Variants in LRRIQ1 observed in about 807,000 individuals in gnomAD.
The protein encoded by LRRIQ1 is leucine rich repeats and IQ motif containing 1, also known as leucine-rich repeat- and IQ domain-containing protein 1.
LRRIQ1 carries 210 observed loss-of-function variants against 211.9 expected under a neutral mutation model. The ratio of observed to expected loss-of-function variants is 0.99; its 90% CI spans 0.89 to 1.11. LRRIQ1 has a LOEUF of 1.11. Among genes scored for constraint, LRRIQ1 ranks in the 50% most tolerant of loss-of-function variants. LRRIQ1 has a pLI of 0.00. For synonymous variants in LRRIQ1, 699 were observed against 650.1 expected (o/e 1.08, Z -1.14); for missense variants, 2,136 against 1,939.5 (o/e 1.10, Z -1.90).
downstream of LRRIQ1, chr12:85,245,138 G>T (rs1406447967): frequency 3.4e-6 from 3 of 886,806 alleles, no homozygotes; most frequent in African/African-American, 3.5e-5. Context: ...TGTATTTGGG[G>T]CTTCAATATC....
intron 11 of LRRIQ1, among the ~76,000 whole-genome samples, chr12:85,098,059 G>A (rs1309536777): frequency 6.6e-6 from 1 of 152,020 alleles, no homozygotes; most frequent in African/African-American, 2.4e-5. Flanking sequence ...TCTCTCCCTT[G>A]TTTTGTTCTT....
chr12:85,227,455 G>A (rs1894719256), intron 24 of LRRIQ1, among the ~76,000 whole-genome samples: 1 of 152,014 alleles, frequency 6.6e-6, no homozygotes, highest in Admixed American at 6.6e-5. Context: ...TTGTCTATTG[G>A]CTGCATAAAT....
chr12:85,206,735 C>A (rs1358852617), intron 24 of LRRIQ1, among the ~76,000 whole-genome samples: 1 of 152,014 alleles, frequency 6.6e-6, no homozygotes, highest in Non-Finnish European at 1.5e-5. Flanking sequence ...AGGTATGATG[C>A]AGACCCCAGG....
chr12:85,113,646 A>G (rs1016413856), intron 15 of LRRIQ1, among the ~76,000 whole-genome samples: 3 of 152,024 alleles, frequency 2.0e-5, no homozygotes, highest in Admixed American at 6.6e-5. Flanking sequence ...AAGTTTTTCT[A>G]TTGAACTCAT....
intron 24 of LRRIQ1, among the ~76,000 whole-genome samples, chr12:85,180,856 T>TTG (rs200753404): frequency 8.6e-5 from 13 of 151,116 alleles, no homozygotes; most frequent in Middle Eastern, 3.4e-3. Flanking sequence ...TATGGTGTGT[T>TTG]TGTGTGTGTG....
At chr12:85,138,011 C>T (rs555189483) in intron 19 of LRRIQ1, 42 bp downstream of exon 19, 12 of 1,157,366 alleles carry the variant, frequency 1.0e-5, no homozygotes, top group South Asian at 1.5e-5. Context: ...TCTTAAAATA[C>T]ATTAAGTGTA....
intron 24 of LRRIQ1, among the ~76,000 whole-genome samples, chr12:85,174,646 G>T (rs1174862115): frequency 7.9e-6 from 1 of 127,142 alleles, no homozygotes; most frequent in Admixed American, 9.7e-5. Flanking sequence ...AAGCTGTAGT[G>T]AACCAAGATC....
At chr12:85,272,538 G>A in the LRRIQ1 span, among the ~76,000 whole-genome samples, 4 of 151,100 alleles carry the variant, frequency 2.6e-5, no homozygotes, top group Non-Finnish European at 5.9e-5. Context: ...TGCAAAAAGT[G>A]TTTGAAACCT....
intron 19 of LRRIQ1, among the ~76,000 whole-genome samples, chr12:85,145,905 T>C (rs748705927): frequency 1.3e-5 from 2 of 151,720 alleles, no homozygotes; most frequent in African/African-American, 2.4e-5. Context: ...CCATGGAGAA[T>C]TGTATCCCAA....
chr12:85,060,517 GC>G (rs1881665493), intron 8 of LRRIQ1, among the ~76,000 whole-genome samples: 1 of 151,776 alleles, frequency 6.6e-6, no homozygotes, highest in Admixed American at 6.6e-5. Context: ...TATTTTAGCT[GC>G]TTATTAACTT....
At chr12:85,125,808 T>G (rs995770870) in intron 17 of LRRIQ1, among the ~76,000 whole-genome samples, 2 of 152,170 alleles carry the variant, frequency 1.3e-5, no homozygotes, top group Admixed American at 1.3e-4. Context: ...AAATTTCATA[T>G]AAACAATATT....
At chr12:85,198,623 A>G (rs1893130349) in intron 24 of LRRIQ1, among the ~76,000 whole-genome samples, 1 of 150,684 alleles carries the variant, frequency 6.6e-6, no homozygotes, top group Non-Finnish European at 1.5e-5. Flanking sequence ...GCTGGAGTGC[A>G]GTGGTGCTAT....
chr12:85,181,748 T>C (rs74114215), intron 24 of LRRIQ1, among the ~76,000 whole-genome samples: 36,528 of 151,818 alleles, frequency 0.24, 4,999 homozygotes, highest in African/African-American at 0.35. Context: ...CTCTCCTATC[T>C]CATTGTGAGG....
intron 11 of LRRIQ1, among the ~76,000 whole-genome samples, chr12:85,091,052 G>T (rs1333166368): frequency 6.6e-6 from 1 of 152,042 alleles, no homozygotes; most frequent in Admixed American, 6.5e-5. Context: ...GTTTAAAAGT[G>T]TGTGGCATCT....
chr12:85,190,090 T>C (rs1043402374), intron 24 of LRRIQ1, among the ~76,000 whole-genome samples: 1 of 142,606 alleles, frequency 7.0e-6, no homozygotes, highest in Non-Finnish European at 1.5e-5. Flanking sequence ...ATATAGTTAG[T>C]TTATATCTGT....
chr12:85,154,817 G>A (rs781383032), intron 23 of LRRIQ1, among the ~76,000 whole-genome samples: 1 of 150,894 alleles, frequency 6.6e-6, no homozygotes, highest in Non-Finnish European at 1.5e-5. Context: ...TTGTACATCA[G>A]TTTTGTTTTC....
chr12:85,207,541 T>C (rs1201762694), intron 24 of LRRIQ1, among the ~76,000 whole-genome samples: 1 of 152,210 alleles, frequency 6.6e-6, no homozygotes, highest in Non-Finnish European at 1.5e-5. Flanking sequence ...GTCTGAATTA[T>C]CAATCATTTT....
chr12:85,129,299 C>T (rs1489425899), intron 18 of LRRIQ1, among the ~76,000 whole-genome samples: 3 of 152,012 alleles, frequency 2.0e-5, no homozygotes, highest in African/African-American at 7.3e-5. Flanking sequence ...AATTTATATC[C>T]TGGTGGAGGA....
chr12:85,247,858 T>A (rs1895776880), downstream of LRRIQ1, among the ~76,000 whole-genome samples: 1 of 151,528 alleles, frequency 6.6e-6, no homozygotes, highest in Non-Finnish European at 1.5e-5. Context: ...ATTTCTTTTG[T>A]TAGAAAACTT....
Sources: gnomAD v4.1 joint callset for allele counts (sites outside exome capture counted in the v4.1 genomes callset) on GRCh38, gnomAD v4.1.1 for gene constraint, MANE v1.5 for transcripts, NCBI Gene and HGNC (gene_info 2026-07-23, HGNC 2026-07-21) for gene names.